Variants in TNIK observed in about 807,000 individuals in gnomAD.
The protein encoded by TNIK is TRAF2 and NCK interacting kinase.
TNIK carries 49 observed loss-of-function variants against 191.3 expected under a neutral mutation model. That is an observed-to-expected ratio of 0.26 (90% confidence interval 0.20 to 0.32). The LOEUF (loss-of-function observed/expected upper bound fraction) is 0.32. Ranked by LOEUF, TNIK falls within the 10% of genes least tolerant of loss-of-function variation. The probability of loss-of-function intolerance (pLI) is 1.00; values close to 1 mark genes in which losing one functional copy is unlikely to be tolerated. For missense variants in TNIK, 1,155 were observed against 1,702.3 expected, an observed-to-expected ratio of 0.68 and a Z score of 5.66; for synonymous variants, 594 against 600.9, an observed-to-expected ratio of 0.99 and a Z score of 0.17.
At chr3:171,136,076 C>T (rs1167127275) in intron 15 of TNIK, among the ~76,000 whole-genome samples, 1 of 152,148 alleles carries the variant, frequency 6.6e-6, no homozygotes, top group Non-Finnish European at 1.5e-5. Context: ...ATGCTTTTCC[C>T]CCTCTTCTGG....
intron 14 of TNIK, 90 bp downstream of exon 14, chr3:171,139,378 GCA>G (rs34521732): frequency 0.061 from 41,597 of 680,710 alleles, 136 homozygotes; most frequent in East Asian, 0.17. Context: ...ACGCACGCGC[GCA>G]CACACACACA....
Position 171,338,599 on chromosome 3 carries a change from G to A in TNIK, c.123+31021C>T, listed in dbSNP as rs185615071. On this transcript the variant is annotated intron_variant, in intron 2 of 32. Transcript: ENST00000436636. ...TGCTTCCTAGGTTCAAGTGATTCTCGTGCCTCAGCCTCCCAAGTCACTGGG... is the reference window on the plus strand; with the variant it reads ...TGCTTCCTAGGTTCAAGTGATTCTCATGCCTCAGCCTCCCAAGTCACTGGG... 2.2e-3 allele frequency among the ~76,000 whole-genome samples: 331 copies of A among 151,406 alleles called. 1 individual carries two copies. The highest frequency in any genetic ancestry group is 7.6e-3 in the African/African-American group (315 of 41,242).
At position 171,108,128 on chromosome 3, in the gene TNIK, G is replaced by A. The variant is rs536117490; in HGVS notation, c.2319C>T (p.Pro773=). 1.9e-6 allele frequency: 3 copies of A among 1,575,290 alleles called. No individual in the cohort carries two copies. The highest frequency in any genetic ancestry group is 2.6e-6 in the Non-Finnish European group (3 of 1,159,618). The change falls in exon 20 of 33, where the codon CCC becomes CCT. Residue 773 remains proline, a synonymous_variant. Coordinates refer to ENST00000436636, the MANE Select transcript of TNIK (RefSeq NM_015028.4). ...CTGGTTTCACCTTCGCAGGCTCATG[G>A]GGGAGCACAGGTGATCCTTCTGACT... The part of the protein sequence containing the change: ...NSKSEGSPVL[P]HEPAKVKPEE...
At chr3:171,328,347 C>T (rs181197341) in intron 2 of TNIK, among the ~76,000 whole-genome samples, 3 of 152,258 alleles carry the variant, frequency 2.0e-5, no homozygotes, top group Non-Finnish European at 4.4e-5. Context: ...TCAAACCACC[C>T]AGTTCATGAT....
At chr3:171,189,124 C>A (rs896210893) in intron 6 of TNIK, among the ~76,000 whole-genome samples, 1 of 152,164 alleles carries the variant, frequency 6.6e-6, no homozygotes, top group African/African-American at 2.4e-5. Context: ...TACTTTCCAT[C>A]TCTATAAATT....
intron 18 of TNIK, among the ~76,000 whole-genome samples, chr3:171,111,342 G>A: frequency 6.6e-6 from 1 of 152,014 alleles, no homozygotes; most frequent in Non-Finnish European, 1.5e-5. Context: ...TTGACCCCAG[G>A]AGGTCAAGGC....
Position 171,123,670 on chromosome 3 carries a change from T to G in TNIK, c.2046A>C (p.Ala682=). The G allele has an allele frequency of 6.3e-7, 1 of 1,576,052 alleles. No homozygotes were observed. Among genetic ancestry groups the G allele is most frequent in the Non-Finnish European group, 8.6e-7 (1 of 1,158,636 alleles). ...VPQRTTSISP[A]LARKNSPGNG... is the part of the protein sequence containing the mutation. ...TCCCAGGAGAATTCTTTCTGGCTAA[T>G]GCTGGGGATATAGAAGTTGTTCTTT... is the stretch of plus-strand genomic sequence containing the variant. The change falls in exon 18 of 33, where the codon GCA becomes GCC. Residue 682 remains alanine, a synonymous_variant. Transcript: ENST00000436636.
intron 18 of TNIK, among the ~76,000 whole-genome samples, chr3:171,112,838 G>T (rs1041837476): frequency 6.6e-6 from 1 of 152,046 alleles, no homozygotes; most frequent in Admixed American, 6.5e-5. Flanking sequence ...CCATTTCTCT[G>T]CTGTTAAATA....
chr3:171,167,551 G>A (rs987244764), intron 9 of TNIK, among the ~76,000 whole-genome samples: 20 of 152,142 alleles, frequency 1.3e-4, no homozygotes, highest in East Asian at 5.8e-4. Context: ...CCAAAAGGAC[G>A]CAGGGAAGAA....
At chr3:171,307,539 T>C (rs1404415483) in intron 2 of TNIK, among the ~76,000 whole-genome samples, 1 of 152,198 alleles carries the variant, frequency 6.6e-6, no homozygotes, top group Non-Finnish European at 1.5e-5. Flanking sequence ...CGTTCTTTGT[T>C]GTTTTGAGTT....
intron 2 of TNIK, among the ~76,000 whole-genome samples, chr3:171,354,479 C>T (rs1247989678): frequency 2.6e-5 from 4 of 152,130 alleles, no homozygotes; most frequent in Admixed American, 1.3e-4. Flanking sequence ...TGACACAAGA[C>T]TAAAGCCTAG....
intron 29 of TNIK, among the ~76,000 whole-genome samples, chr3:171,069,602 G>A (rs1305498008): frequency 6.6e-6 from 1 of 152,180 alleles, no homozygotes; most frequent in East Asian, 1.9e-4. Flanking sequence ...TTGATGGCTT[G>A]CATTGACTAT....
chr3:171,109,064 G>C (rs1205033361), intron 19 of TNIK, among the ~76,000 whole-genome samples: 2 of 152,208 alleles, frequency 1.3e-5, no homozygotes, highest in Admixed American at 6.5e-5. Flanking sequence ...AACCAGACCA[G>C]AGAATTAAAA....
At chr3:171,143,322 A>AT (rs1383584498) in intron 12 of TNIK, among the ~76,000 whole-genome samples, 5 of 152,182 alleles carry the variant, frequency 3.3e-5, no homozygotes, top group Admixed American at 6.5e-5. Context: ...GGGAGGGGAT[A>AT]TAAAAAAAAC....
At chr3:171,400,529 C>G (rs199788109) in intron 1 of TNIK, among the ~76,000 whole-genome samples, 37 of 148,338 alleles carry the variant, frequency 2.5e-4, no homozygotes, top group East Asian at 2.1e-3. Context: ...TATTGCACCA[C>G]TGCACTCCAG....
chr3:171,238,033 G>A (rs572724061), intron 2 of TNIK, among the ~76,000 whole-genome samples: 11 of 152,230 alleles, frequency 7.2e-5, no homozygotes, highest in African/African-American at 2.2e-4. Context: ...CCAGATCTCC[G>A]CAAAGGCTGA....
At chr3:171,142,536 G>T (rs1382552905) in intron 12 of TNIK, among the ~76,000 whole-genome samples, 1 of 152,212 alleles carries the variant, frequency 6.6e-6, no homozygotes, top group Non-Finnish European at 1.5e-5. Context: ...GGTTGTAGGA[G>T]GGCAGGTGAA....
chr3:171,201,537 C>G (rs750444333), intron 4 of TNIK, among the ~76,000 whole-genome samples: 2 of 152,128 alleles, frequency 1.3e-5, no homozygotes, highest in Non-Finnish European at 2.9e-5. Flanking sequence ...CTGAAAATAA[C>G]CACAGATCTC....
chr3:171,332,312 T>C (rs1448466391), intron 2 of TNIK, among the ~76,000 whole-genome samples: 1 of 152,282 alleles, frequency 6.6e-6, no homozygotes, highest in Non-Finnish European at 1.5e-5. Flanking sequence ...TTTACTGTTT[T>C]TGGCTATTGG....
Sources: allele counts gnomAD v4.1 joint callset (sites outside exome capture counted in the v4.1 genomes callset), GRCh38; gene constraint gnomAD v4.1.1; transcripts MANE v1.5; gene names NCBI Gene and HGNC (gene_info 2026-07-23, HGNC 2026-07-21).